The following TMOD1 variants were observed in gnomAD, a reference collection of about 807,000 sequenced individuals.
TMOD1 encodes tropomodulin-1.
A neutral mutation model predicts 40.6 loss-of-function variants in TMOD1; 17 were observed. The observed-to-expected ratio is 0.42, with a 90% CI of 0.29 to 0.63. The LOEUF (loss-of-function observed/expected upper bound fraction) is 0.63. Ranked by LOEUF, TMOD1 falls within the 20% of genes least tolerant of loss-of-function variation. The pLI is 0.22. For missense variants in TMOD1, 391 were observed against 447.6 expected, an observed-to-expected ratio of 0.87 and a Z score of 1.14; for synonymous variants, 181 against 175.0, an observed-to-expected ratio of 1.03 and a Z score of -0.27.
intron 3 of TMOD1, among the ~76,000 whole-genome samples, chr9:97,548,714 A>G (rs1277444568): frequency 2.0e-5 from 3 of 152,206 alleles, no homozygotes; most frequent in Admixed American, 2.0e-4. Context: ...GACTGTCTTC[A>G]TGAAAAACCA....
At position 97,600,106 on chromosome 9, in the gene TMOD1, T is replaced by C. The variant is rs1435802631; in HGVS notation, c.*408T>C. The C allele has an allele frequency of 1.6e-5, 16 of 1,007,224 alleles. No homozygotes were observed. Among genetic ancestry groups the C allele is most frequent in the Non-Finnish European group, 1.9e-5 (16 of 841,206 alleles). The allele number at this position is 1,007,224 out of a possible 1,614,324, so 62.4% of individuals were successfully genotyped here. A position where few individuals can be genotyped will look rare whatever the true frequency, so the allele number is the denominator to read the frequency against. ...GCTTTTGAAGTATTATAAAACACTTTATTACAAATTTGTCTTAGCTATTAG... is the reference window on the plus strand; with the variant it reads ...GCTTTTGAAGTATTATAAAACACTTCATTACAAATTTGTCTTAGCTATTAG... On this transcript the variant is annotated 3_prime_UTR_variant, in exon 10 of 10. Coordinates refer to ENST00000259365, the MANE Select transcript of TMOD1 (RefSeq NM_003275.4).
intron 2 of TMOD1, among the ~76,000 whole-genome samples, chr9:97,525,348 G>A (rs112374957): frequency 3.3e-5 from 5 of 152,236 alleles, no homozygotes; most frequent in African/African-American, 1.2e-4. Context: ...GAGGGAAAAA[G>A]CAAAGATATT....
intron 1 of TMOD1, among the ~76,000 whole-genome samples, chr9:97,514,302 A>G (rs10117722): frequency 0.7 from 100,906 of 143,218 alleles, 36,096 homozygotes; most frequent in Middle Eastern, 0.81. Context: ...ATTTTTAGTA[A>G]TGACAGGGTT....
intron 6 of TMOD1, among the ~76,000 whole-genome samples, chr9:97,565,485 C>A (rs1259065588): frequency 6.6e-6 from 1 of 152,100 alleles, no homozygotes; most frequent in Non-Finnish European, 1.5e-5. Flanking sequence ...AGACACCTAG[C>A]AAGTCAGGAA....
intron 1 of TMOD1, among the ~76,000 whole-genome samples, chr9:97,520,338 CAG>C (rs1183567681): frequency 6.6e-6 from 1 of 152,146 alleles, no homozygotes; most frequent in African/African-American, 2.4e-5. Context: ...TCTTAGGAAA[CAG>C]AGGCCTTTTA....
chr9:97,569,568 CTG>C (rs1830788150), intron 8 of TMOD1, among the ~76,000 whole-genome samples: 2 of 152,214 alleles, frequency 1.3e-5, no homozygotes, highest in Admixed American at 1.3e-4. Flanking sequence ...TACTGTTTCT[CTG>C]TAACTTCTGT....
At position 97,591,432 on chromosome 9, in the gene TMOD1, C is replaced by T. The variant is rs755193886; in HGVS notation, c.1012C>T (p.Leu338Phe). Reference protein sequence around the residue: ...ASNAMMNNNDLVRKRRLADLT... With the variant: ...ASNAMMNNNDFVRKRRLADLT... The stretch of plus-strand genomic sequence containing the variant: ...CAACGCAATGATGAACAACAATGAC[C>T]TTGGTGAGTAGAAATATGCTTCCTG... Residue 338 changes from leucine to phenylalanine, a missense_variant, in exon 9 of 10, where the codon CTT becomes TTT. Coordinates refer to ENST00000259365, the MANE Select transcript of TMOD1 (RefSeq NM_003275.4). 1.2e-6 allele frequency: 2 copies of T among 1,613,898 alleles called. No homozygotes were observed. The highest frequency in any genetic ancestry group is 2.7e-5 in the African/African-American group (2 of 74,908).
chr9:97,527,620 AAG>A (rs1830037109), intron 2 of TMOD1, among the ~76,000 whole-genome samples: 1 of 152,132 alleles, frequency 6.6e-6, no homozygotes, highest in African/African-American at 2.4e-5. Context: ...TGCGACTAGA[AAG>A]AGGGGTTGGG....
intron 1 of TMOD1, among the ~76,000 whole-genome samples, chr9:97,511,095 C>CAG (rs1829690136): frequency 5.3e-5 from 8 of 152,042 alleles, no homozygotes; most frequent in Admixed American, 3.9e-4. Flanking sequence ...GACACACACA[C>CAG]ACACACACAC....
intron 2 of TMOD1, among the ~76,000 whole-genome samples, chr9:97,539,685 G>T (rs1830244672): frequency 6.6e-6 from 1 of 152,182 alleles, no homozygotes; most frequent in African/African-American, 2.4e-5. Context: ...GCACCATTCA[G>T]CCCGGGTGAG....
intron 9 of TMOD1, 118 bp from the exon 10 acceptor site, chr9:97,599,516 C>T: frequency 1.6e-6 from 2 of 1,279,128 alleles, no homozygotes; most frequent in Admixed American, 1.9e-5. Flanking sequence ...AAACAACAGA[C>T]TTCAGACTCT....
At chr9:97,556,876 A>T (rs1830545058) in intron 4 of TMOD1, among the ~76,000 whole-genome samples, 1 of 152,064 alleles carries the variant, frequency 6.6e-6, no homozygotes, top group South Asian at 2.1e-4. Flanking sequence ...CGGCAGGAGG[A>T]GCGGTTCCGG....
At chr9:97,553,240 A>T in intron 3 of TMOD1, 41 bp from the exon 4 acceptor site, 1 of 1,612,182 alleles carries the variant, frequency 6.2e-7, no homozygotes, top group Non-Finnish European at 8.5e-7. Context: ...AGGCTGTTCC[A>T]TTGCAGCCAC....
intron 3 of TMOD1, among the ~76,000 whole-genome samples, chr9:97,549,489 A>G (rs1029073732): frequency 6.6e-6 from 1 of 152,172 alleles, no homozygotes; most frequent in Non-Finnish European, 1.5e-5. Flanking sequence ...CAGCCATTGC[A>G]TTAGTCATTT....
intron 1 of TMOD1, among the ~76,000 whole-genome samples, chr9:97,504,689 T>C (rs1829563770): frequency 6.6e-6 from 1 of 152,188 alleles, no homozygotes; most frequent in South Asian, 2.1e-4. Flanking sequence ...AGGATGGTGA[T>C]GGGCTGTGAA....
chr9:97,530,083 T>C (rs1830075716), intron 2 of TMOD1, among the ~76,000 whole-genome samples: 1 of 152,204 alleles, frequency 6.6e-6, no homozygotes, highest in Non-Finnish European at 1.5e-5. Context: ...CCTCTGAGAC[T>C]AGCCCAGAAG....
intron 4 of TMOD1, among the ~76,000 whole-genome samples, chr9:97,553,805 A>G (rs1348192697): frequency 6.6e-6 from 1 of 152,100 alleles, no homozygotes; most frequent in African/African-American, 2.4e-5. Context: ...GATTTTTACA[A>G]CTTTGCACTT....
chr9:97,551,115 C>T (rs1340561434), intron 3 of TMOD1, among the ~76,000 whole-genome samples: 1 of 150,520 alleles, frequency 6.6e-6, no homozygotes, highest in East Asian at 2.0e-4. Context: ...CCTCCACCTC[C>T]CGGGTTCAAG....
intron 2 of TMOD1, among the ~76,000 whole-genome samples, 189 bp downstream of exon 2, chr9:97,524,497 G>GGTGTGTGTGTGTGTGTGTGTGTGTGT (rs71369515): frequency 2.1e-5 from 3 of 143,028 alleles, no homozygotes; most frequent in African/African-American, 8.1e-5. Flanking sequence ...GAACCAATAG[G>GGTGTGTGTGTGTGTGTGTGTGTGTGT]GTGTGTGTGT....
Sources: allele counts gnomAD v4.1 joint callset (sites outside exome capture counted in the v4.1 genomes callset), GRCh38; gene constraint gnomAD v4.1.1; transcripts MANE v1.5; gene names NCBI Gene and HGNC (gene_info 2026-07-23, HGNC 2026-07-21).